Variants in MACROD2 observed in about 807,000 individuals in gnomAD.
MACROD2 encodes ADP-ribose glycohydrolase MACROD2.
A neutral mutation model predicts 70.4 loss-of-function variants in MACROD2; 36 were observed. The ratio of observed to expected loss-of-function variants is 0.51; its 90% CI spans 0.39 to 0.68. The LOEUF (loss-of-function observed/expected upper bound fraction) is 0.68, where lower values mean the gene tolerates loss of function less well. MACROD2 is among the 30% of genes least tolerant of loss of function. MACROD2 has a pLI of 0.00. For missense variants in MACROD2, 496 were observed against 538.4 expected (o/e 0.92, Z 0.78); for synonymous variants, 172 against 178.8 (o/e 0.96, Z 0.30).
At chr20:15,719,696 G>A (rs903547190) in intron 8 of MACROD2, among the ~76,000 whole-genome samples, 13 of 151,096 alleles carry the variant, frequency 8.6e-5, no homozygotes, top group South Asian at 2.1e-4. Flanking sequence ...ACATATTTAC[G>A]GGGTACAGTG....
intron 3 of MACROD2, among the ~76,000 whole-genome samples, chr20:14,115,709 G>A (rs554394303): frequency 1.3e-5 from 2 of 152,264 alleles, no homozygotes; most frequent in African/African-American, 4.8e-5. Context: ...TTTGGGACTT[G>A]AAGAGTGAAA....
intron 3 of MACROD2, among the ~76,000 whole-genome samples, chr20:14,247,293 A>G (rs886451933): frequency 6.6e-6 from 1 of 152,208 alleles, no homozygotes; most frequent in Non-Finnish European, 1.5e-5. Flanking sequence ...CCTTCCACTA[A>G]TAGATGGAAG....
At chr20:15,437,303 A>G (rs1344263744) in intron 7 of MACROD2, among the ~76,000 whole-genome samples, 1 of 152,136 alleles carries the variant, frequency 6.6e-6, no homozygotes, top group Non-Finnish European at 1.5e-5. Flanking sequence ...TGTGACCCAC[A>G]TGTACATGAT....
At chr20:15,755,511 G>A (rs2327964) in intron 8 of MACROD2, among the ~76,000 whole-genome samples, 3,046 of 152,172 alleles carry the variant, frequency 0.02, 113 homozygotes, top group African/African-American at 0.071. Context: ...CCATATGCAC[G>A]TGCACTGGAA....
At chr20:14,668,042 C>T (rs773708667) in intron 4 of MACROD2, among the ~76,000 whole-genome samples, 13 of 151,954 alleles carry the variant, frequency 8.6e-5, no homozygotes, top group Non-Finnish European at 1.6e-4. Context: ...TAGCTACTTG[C>T]TACTCGGGGA....
intron 8 of MACROD2, among the ~76,000 whole-genome samples, chr20:15,834,119 T>C (rs2064086761): frequency 6.6e-6 from 1 of 152,182 alleles, no homozygotes; most frequent in African/African-American, 2.4e-5. Flanking sequence ...TAAAGTTAAA[T>C]TAGATTTTGC....
intron 3 of MACROD2, among the ~76,000 whole-genome samples, chr20:14,121,439 A>G (rs2054588065): frequency 6.6e-6 from 1 of 152,224 alleles, no homozygotes; most frequent in African/African-American, 2.4e-5. Flanking sequence ...ATAATTCGGT[A>G]GAAACTTGAC....
At chr20:14,839,490 C>A (rs2073064827) in intron 5 of MACROD2, among the ~76,000 whole-genome samples, 1 of 152,052 alleles carries the variant, frequency 6.6e-6, no homozygotes, top group Non-Finnish European at 1.5e-5. Flanking sequence ...CACACACATG[C>A]AAGTTATATG....
rs549122629 is a variant in MACROD2 at position 14,135,185 on chromosome 20, C to G, written c.271+49457C>G. 3.3e-5 allele frequency among the ~76,000 whole-genome samples: 5 copies of G among 152,194 alleles called. No homozygotes were observed. The South Asian group carries it at 1.0e-3, about 32-fold the overall frequency. ...AGCATCATCATGAATTCTTTTCAAA[C>G]CTGACACCAAAAGTATTTTAAGAAA... On this transcript the variant is annotated intron_variant, in intron 3 of 17. Coordinates refer to ENST00000684519, the MANE Select transcript of MACROD2 (RefSeq NM_001351661.2).
intron 3 of MACROD2, among the ~76,000 whole-genome samples, chr20:14,406,288 T>C (rs1390103724): frequency 1.3e-5 from 2 of 152,170 alleles, no homozygotes; most frequent in African/African-American, 4.8e-5. Flanking sequence ...TATGCACTAC[T>C]TAAAATTATT....
At chr20:14,035,823 C>T (rs1197687077) in intron 2 of MACROD2, among the ~76,000 whole-genome samples, 2 of 152,202 alleles carry the variant, frequency 1.3e-5, no homozygotes, top group African/African-American at 4.8e-5. Flanking sequence ...TTGTTCATCA[C>T]CAGCCCATGT....
At chr20:14,588,276 T>C (rs1981521868) in intron 4 of MACROD2, among the ~76,000 whole-genome samples, 2 of 152,224 alleles carry the variant, frequency 1.3e-5, no homozygotes, top group African/African-American at 4.8e-5. Flanking sequence ...GTTCATTTAA[T>C]TTAAATTTTC....
At chr20:14,784,295 G>T (rs1371027971) in intron 5 of MACROD2, among the ~76,000 whole-genome samples, 1 of 152,044 alleles carries the variant, frequency 6.6e-6, no homozygotes, top group Non-Finnish European at 1.5e-5. Context: ...AAGAGTTCTT[G>T]CCTCTGAGCC....
At chr20:15,715,613 C>T (rs565499167) in intron 8 of MACROD2, among the ~76,000 whole-genome samples, 1 of 152,168 alleles carries the variant, frequency 6.6e-6, no homozygotes, top group South Asian at 2.1e-4. Flanking sequence ...TAAGTTTTGC[C>T]AGTAAATCAA....
At chr20:14,766,887 A>G (rs2072097471) in intron 5 of MACROD2, among the ~76,000 whole-genome samples, 1 of 152,146 alleles carries the variant, frequency 6.6e-6, no homozygotes, top group South Asian at 2.1e-4. Context: ...TATTGGCTTA[A>G]ACAATTCTGA....
At chr20:15,508,677 C>G (rs1415924393) in intron 8 of MACROD2, among the ~76,000 whole-genome samples, 1 of 152,168 alleles carries the variant, frequency 6.6e-6, no homozygotes, top group African/African-American at 2.4e-5. Flanking sequence ...CCAGATTTAG[C>G]CATACATGAG....
At chr20:15,066,411 G>A (rs2075575685) in intron 5 of MACROD2, among the ~76,000 whole-genome samples, 1 of 152,020 alleles carries the variant, frequency 6.6e-6, no homozygotes, top group Non-Finnish European at 1.5e-5. Flanking sequence ...TGGGATGGCA[G>A]GTGTGAGCCA....
intron 8 of MACROD2, among the ~76,000 whole-genome samples, chr20:15,553,907 A>G (rs1377243782): frequency 6.6e-6 from 1 of 152,216 alleles, no homozygotes; most frequent in Non-Finnish European, 1.5e-5. Flanking sequence ...CTTCATCTGA[A>G]GAGTTACAGC....
chr20:15,196,663 G>A (rs199305), intron 5 of MACROD2, among the ~76,000 whole-genome samples: 140,930 of 152,260 alleles, frequency 0.93, 65,315 homozygotes, highest in East Asian at 0.96. Flanking sequence ...ACCTGTTCCA[G>A]GTTTTGGATA....
Sources: gnomAD v4.1 joint callset for allele counts (sites outside exome capture counted in the v4.1 genomes callset) on GRCh38, gnomAD v4.1.1 for gene constraint, MANE v1.5 for transcripts, NCBI Gene and HGNC (gene_info 2026-07-23, HGNC 2026-07-21) for gene names.